ASCC3: variants seen among roughly 807,000 people sequenced by gnomAD.
ASCC3 encodes the protein ASC-1 complex subunit P200.
ASCC3 carries 158 observed loss-of-function variants against 256.3 expected under a neutral mutation model. The observed-to-expected ratio is 0.62, with a 90% CI of 0.54 to 0.70. The LOEUF (loss-of-function observed/expected upper bound fraction) is 0.70, where lower values mean the gene tolerates loss of function less well. Ranked by LOEUF, ASCC3 falls within the 30% of genes least tolerant of loss-of-function variation. The pLI, the probability that ASCC3 is intolerant of heterozygous loss-of-function variation, is 0.00. For synonymous variants in ASCC3, 948 were observed against 883.4 expected (o/e 1.07, Z -1.30); for missense variants, 2,259 against 2,626.0 (o/e 0.86, Z 3.05).
chr6:100,637,290 G>A (rs183023), intron 25 of ASCC3, among the ~76,000 whole-genome samples: 11,288 of 152,168 alleles, frequency 0.074, 615 homozygotes, highest in African/African-American at 0.15. Flanking sequence ...AAGCCTGGAT[G>A]ACAGCATATC....
At chr6:100,688,686 T>G (rs758043223) in intron 13 of ASCC3, among the ~76,000 whole-genome samples, 2 of 152,190 alleles carry the variant, frequency 1.3e-5, no homozygotes, top group Non-Finnish European at 2.9e-5. Flanking sequence ...TTAGCTCCTC[T>G]GCTAGTCTGT....
At chr6:100,690,186 T>A (rs967579732) in intron 13 of ASCC3, among the ~76,000 whole-genome samples, 1 of 152,186 alleles carries the variant, frequency 6.6e-6, no homozygotes, top group African/African-American at 2.4e-5. Context: ...CTTTATATCA[T>A]ATCTTGATAA....
intron 25 of ASCC3, among the ~76,000 whole-genome samples, chr6:100,634,566 T>C (rs903716541): frequency 1.4e-4 from 22 of 151,964 alleles, no homozygotes; most frequent in African/African-American, 4.8e-4. Flanking sequence ...ATTATTCAAT[T>C]AAAAATGGGC....
At chr6:100,536,842 T>A (rs985464142) in intron 37 of ASCC3, among the ~76,000 whole-genome samples, 16 of 152,094 alleles carry the variant, frequency 1.1e-4, no homozygotes, top group African/African-American at 3.9e-4. Flanking sequence ...ATTCCAAAGC[T>A]GGGGCAGGGA....
chr6:100,798,878 A>G (rs760550942), intron 7 of ASCC3, 40 bp from the exon 8 acceptor site: 21 of 1,529,488 alleles, frequency 1.4e-5, no homozygotes, highest in Non-Finnish European at 1.7e-5. Context: ...ATAATAAAAA[A>G]TAAAACACTT....
At chr6:100,634,677 T>G (rs1295859314) in intron 25 of ASCC3, among the ~76,000 whole-genome samples, 1 of 151,410 alleles carries the variant, frequency 6.6e-6, no homozygotes, top group African/African-American at 2.4e-5. Context: ...AAATGCAAAT[T>G]AAAATCACAA....
At chr6:100,788,635 G>A (rs1313993156) in intron 8 of ASCC3, among the ~76,000 whole-genome samples, 1 of 151,156 alleles carries the variant, frequency 6.6e-6, no homozygotes, top group African/African-American at 2.4e-5. Flanking sequence ...AAAAAAACAA[G>A]TACTGAAACA....
chr6:100,612,449 T>C (rs1207599183), intron 30 of ASCC3, among the ~76,000 whole-genome samples: 2 of 152,102 alleles, frequency 1.3e-5, no homozygotes, highest in East Asian at 1.9e-4. Context: ...ATCAGAACTC[T>C]ATACTCTTTT....
chr6:100,629,678 T>C (rs915381790), intron 26 of ASCC3, among the ~76,000 whole-genome samples: 1 of 152,172 alleles, frequency 6.6e-6, no homozygotes, highest in Admixed American at 6.5e-5. Flanking sequence ...ATTGGAATTT[T>C]CTATAGATTT....
intron 33 of ASCC3, among the ~76,000 whole-genome samples, chr6:100,602,447 A>G (rs1223950526): frequency 6.6e-6 from 1 of 151,942 alleles, no homozygotes; most frequent in East Asian, 1.9e-4. Flanking sequence ...TAGGTGTAAA[A>G]TAAATACAAG....
rs1235784484 is a variant in ASCC3 at position 100,606,735 on chromosome 6, A to C, written c.5044+5T>G. ...CATGTATTTCTGTGAATTTAAGAAA[A>C]TTACCTGTAATGGGAAAATCCACAT... On this transcript the variant is annotated splice_donor_5th_base_variant and intron_variant, in intron 32 of 41. Coordinates refer to ENST00000369162, the MANE Select transcript of ASCC3 (RefSeq NM_006828.4). 2 of 1,590,266 alleles carry C rather than the reference A, an allele frequency of 1.3e-6. No individual in the cohort carries two copies. Among genetic ancestry groups the C allele is most frequent in the East Asian group, 2.2e-5 (1 of 44,556 alleles).
chr6:100,511,202 G>A (rs1409335486), intron 40 of ASCC3, among the ~76,000 whole-genome samples: 1 of 152,174 alleles, frequency 6.6e-6, no homozygotes, highest in Non-Finnish European at 1.5e-5. Context: ...CACTTTGGGA[G>A]GCCAAGGCAG....
intron 10 of ASCC3, among the ~76,000 whole-genome samples, chr6:100,737,150 A>G (rs1327310003): frequency 8.6e-4 from 1 of 1,158 alleles, no homozygotes; most frequent in African/African-American, 9.2e-4. Context: ...CCGTCTATTT[A>G]AAAAAAAAAA....
chr6:100,778,191 CTGAG>C (rs1292496017), intron 8 of ASCC3, among the ~76,000 whole-genome samples: 2 of 151,734 alleles, frequency 1.3e-5, no homozygotes, highest in Admixed American at 1.3e-4. Flanking sequence ...AGATGACAGA[CTGAG>C]AGAGAAAAAT....
In ASCC3 at chr6:100,860,375, AG is replaced by A. The variant is rs561100107; in HGVS notation, c.241+3688del. Among the ~76,000 whole-genome samples, 498 of 152,086 alleles carry A rather than the reference AG, an allele frequency of 3.3e-3. 4 individuals carry two copies. The highest frequency in any genetic ancestry group is 3.1e-3 in the Non-Finnish European group (208 of 67,884). Reference sequence around the variant, plus strand: ...AAATTTTATTATTAAAATAATCTTAAGGGAAGAATCAAATTGTAAAAAGGTA... The same window carrying A: ...AAATTTTATTATTAAAATAATCTTAAGGAAGAATCAAATTGTAAAAAGGTA... On this transcript the variant is annotated intron_variant, in intron 3 of 41. Transcript: ENST00000369162.
intron 3 of ASCC3, among the ~76,000 whole-genome samples, chr6:100,853,559 G>C (rs1337252092): frequency 6.6e-6 from 1 of 151,996 alleles, no homozygotes; most frequent in Non-Finnish European, 1.5e-5. Flanking sequence ...TCGCCTCCTG[G>C]GCTCAAGTGA....
intron 33 of ASCC3, among the ~76,000 whole-genome samples, chr6:100,604,207 C>A (rs1772768965): frequency 6.6e-6 from 1 of 151,954 alleles, no homozygotes. Context: ...ATATTATTTG[C>A]ATTAGGTTGT....
intron 34 of ASCC3, among the ~76,000 whole-genome samples, chr6:100,597,831 G>C (rs1333658328): frequency 1.0e-5 from 1 of 96,166 alleles, no homozygotes; most frequent in East Asian, 4.5e-4. Flanking sequence ...AAAATTAGCC[G>C]AGCATGGTGG....
intron 1 of ASCC3, among the ~76,000 whole-genome samples, chr6:100,870,279 G>A (rs1773679020): frequency 6.6e-6 from 1 of 150,934 alleles, no homozygotes; most frequent in African/African-American, 2.4e-5. Flanking sequence ...CATGAGAATC[G>A]CTTGAACCTG....
Sources: allele counts gnomAD v4.1 joint callset (sites outside exome capture counted in the v4.1 genomes callset), GRCh38; gene constraint gnomAD v4.1.1; transcripts MANE v1.5; gene names NCBI Gene and HGNC (gene_info 2026-07-23, HGNC 2026-07-21).